Variants in GRK3 observed in about 807,000 individuals in gnomAD.
GRK3 encodes G protein-coupled receptor kinase 3, also known as adrenergic, beta, receptor kinase 2.
In GRK3, 54 loss-of-function variants were observed where a neutral mutation model predicts 95.7. The ratio of observed to expected loss-of-function variants is 0.56; its 90% CI spans 0.45 to 0.71. The LOEUF (loss-of-function observed/expected upper bound fraction) is 0.71. Ranked by LOEUF, GRK3 falls within the 30% of genes least tolerant of loss-of-function variation. GRK3 has a pLI of 0.00. For synonymous variants in GRK3, 281 were observed against 290.8 expected (o/e 0.97, Z 0.34); for missense variants, 649 against 851.2 (o/e 0.76, Z 2.96).
intron 3 of GRK3, among the ~76,000 whole-genome samples, chr22:25,652,266 C>G (rs1186258843): frequency 2.0e-5 from 3 of 152,088 alleles, no homozygotes; most frequent in Non-Finnish European, 4.4e-5. Flanking sequence ...AACTCTGTCT[C>G]TACTAAAAAT....
intron 18 of GRK3, among the ~76,000 whole-genome samples, chr22:25,717,882 G>A (rs1194591685): frequency 1.3e-5 from 2 of 152,138 alleles, no homozygotes; most frequent in South Asian, 2.1e-4. Context: ...ACGTAAAGGC[G>A]AAGGTACTTT....
At chr22:25,619,762 G>A (rs1438985400) in intron 2 of GRK3, among the ~76,000 whole-genome samples, 1 of 150,954 alleles carries the variant, frequency 6.6e-6, no homozygotes, top group East Asian at 2.0e-4. Context: ...AAAATGCTGG[G>A]ATTATGAGCC....
chr22:25,699,934 G>T (rs777484170), intron 13 of GRK3, among the ~76,000 whole-genome samples: 1 of 152,098 alleles, frequency 6.6e-6, no homozygotes, highest in African/African-American at 2.4e-5. Context: ...TCCTGATCCC[G>T]TGATCTGCCC....
At chr22:25,686,490 TGTG>T (rs1226750277) in intron 10 of GRK3, among the ~76,000 whole-genome samples, 1 of 152,150 alleles carries the variant, frequency 6.6e-6, no homozygotes, top group Non-Finnish European at 1.5e-5. Flanking sequence ...TCCATCTTGA[TGTG>T]GTGGTGGTTT....
chr22:25,721,700 G>A (rs2085434005), intron 20 of GRK3, among the ~76,000 whole-genome samples: 1 of 152,142 alleles, frequency 6.6e-6, no homozygotes, highest in Admixed American at 6.5e-5. Flanking sequence ...CATGTTCGAT[G>A]TTAAGGTTTA....
chr22:25,675,871 G>C (rs183435619), intron 8 of GRK3, among the ~76,000 whole-genome samples: 3 of 152,322 alleles, frequency 2.0e-5, no homozygotes, highest in African/African-American at 7.2e-5. Context: ...CCGGCACTCA[G>C]GAGTTTGAAG....
At chr22:25,706,143 A>C (rs1310513465) in intron 15 of GRK3, among the ~76,000 whole-genome samples, 2 of 152,124 alleles carry the variant, frequency 1.3e-5, no homozygotes, top group Non-Finnish European at 2.9e-5. Flanking sequence ...TTACTTGCCG[A>C]TAGCACAAAT....
rs954325162 is a variant in GRK3, at chr22:25,725,847, G to A, written c.*3397G>A. On this transcript the variant is annotated 3_prime_UTR_variant, in exon 21 of 21. Coordinates refer to ENST00000324198, the MANE Select transcript of GRK3 (RefSeq NM_005160.4). ...GCCTGTAGTCCCAGCTACTTGGGAG[G>A]CTGAGGCAGGAGAATGGCATGAACC... 2.8e-5 allele frequency: 9 copies of A among 324,556 alleles called. No homozygotes were observed. Among genetic ancestry groups the A allele is most frequent in the Non-Finnish European group, 3.3e-5 (6 of 179,740 alleles). The allele number at this position is 324,556 out of a possible 1,614,324, so 20.1% of individuals were successfully genotyped here.
At chr22:25,690,327 C>T in intron 12 of GRK3, 44 bp downstream of exon 12, 1 of 1,443,682 alleles carries the variant, frequency 6.9e-7, no homozygotes, top group East Asian at 2.3e-5. Context: ...TTCTCTCCTG[C>T]CCTTTCAAAG....
chr22:25,647,384 A>G (rs942507062), intron 3 of GRK3: 15 of 1,308,536 alleles, frequency 1.1e-5, no homozygotes, highest in African/African-American at 4.4e-5. Flanking sequence ...CACCATGTCC[A>G]TCATCTTCAG....
chr22:25,577,953 T>C (rs1197641415), intron 1 of GRK3, among the ~76,000 whole-genome samples: 1 of 152,236 alleles, frequency 6.6e-6, no homozygotes, highest in Non-Finnish European at 1.5e-5. Flanking sequence ...TTATTTTTAG[T>C]TTGAAATTAT....
At chr22:25,668,210 A>G (rs970809312) in intron 6 of GRK3, among the ~76,000 whole-genome samples, 5 of 152,270 alleles carry the variant, frequency 3.3e-5, no homozygotes, top group Non-Finnish European at 7.3e-5. Context: ...ATTTAAGGAC[A>G]TAGGTCAATG....
At chr22:25,700,560 T>C (rs904454865) in intron 13 of GRK3, among the ~76,000 whole-genome samples, 2 of 152,192 alleles carry the variant, frequency 1.3e-5, no homozygotes, top group African/African-American at 4.8e-5. Context: ...GAAATGCACA[T>C]TTAATATAAC....
intron 15 of GRK3, among the ~76,000 whole-genome samples, chr22:25,708,806 C>T (rs572854014): frequency 5.3e-5 from 8 of 151,648 alleles, no homozygotes; most frequent in South Asian, 2.1e-4. Flanking sequence ...AGACTACAGG[C>T]GCCTGCCACC....
chr22:25,577,147 C>T (rs942644754), intron 1 of GRK3, among the ~76,000 whole-genome samples: 4 of 151,942 alleles, frequency 2.6e-5, no homozygotes, highest in Non-Finnish European at 4.4e-5. Flanking sequence ...GACTTGAACA[C>T]GTTTGTCAGT....
intron 4 of GRK3, among the ~76,000 whole-genome samples, chr22:25,663,288 G>A (rs1377043890): frequency 1.3e-5 from 2 of 152,106 alleles, no homozygotes; most frequent in East Asian, 3.9e-4. Flanking sequence ...ACCTCCCAAA[G>A]TGCTGGGATT....
chr22:25,711,510 T>A (rs569685377), intron 17 of GRK3, among the ~76,000 whole-genome samples: 10 of 152,316 alleles, frequency 6.6e-5, no homozygotes, highest in African/African-American at 2.4e-4. Context: ...TCAATTCTTC[T>A]AAGTTTTTAG....
intron 12 of GRK3, 132 bp downstream of exon 12, chr22:25,690,415 T>C: frequency 1.5e-6 from 1 of 669,842 alleles, no homozygotes; most frequent in Non-Finnish European, 2.6e-6. Flanking sequence ...TCACAGGTCG[T>C]GGGAAAGGAG....
intron 13 of GRK3, among the ~76,000 whole-genome samples, chr22:25,699,279 G>T (rs2085236910): frequency 6.6e-6 from 1 of 152,116 alleles, no homozygotes; most frequent in African/African-American, 2.4e-5. Context: ...CTTTTCTCAG[G>T]CACACGGGGC....
Sources: allele counts gnomAD v4.1 joint callset (sites outside exome capture counted in the v4.1 genomes callset), GRCh38; gene constraint gnomAD v4.1.1; transcripts MANE v1.5; gene names NCBI Gene and HGNC (gene_info 2026-07-23, HGNC 2026-07-21).